MACROD2: variants seen among roughly 807,000 people sequenced by gnomAD.
The protein encoded by MACROD2 is ADP-ribose glycohydrolase MACROD2.
MACROD2 carries 36 observed loss-of-function variants against 70.4 expected under a neutral mutation model. The ratio of observed to expected loss-of-function variants is 0.51; its 90% confidence interval spans 0.39 to 0.68. The LOEUF (loss-of-function observed/expected upper bound fraction) is 0.68. MACROD2 is among the 30% of genes least tolerant of loss of function. The probability of loss-of-function intolerance (pLI) is 0.00; values close to 1 mark genes in which losing one functional copy is unlikely to be tolerated. For synonymous variants in MACROD2, 172 were observed against 178.8 expected (o/e 0.96, Z 0.30); for missense variants, 496 against 538.4 (o/e 0.92, Z 0.78).
chr20:14,459,084 G>T (rs976907491), intron 3 of MACROD2, among the ~76,000 whole-genome samples: 11 of 152,070 alleles, frequency 7.2e-5, no homozygotes, highest in African/African-American at 2.7e-4. Flanking sequence ...CCAAAAGAAG[G>T]TGTGAGATCT....
chr20:14,564,759 C>G (rs1979664239), intron 4 of MACROD2, among the ~76,000 whole-genome samples: 1 of 151,832 alleles, frequency 6.6e-6, no homozygotes, highest in African/African-American at 2.4e-5. Flanking sequence ...ATTGTGCAAC[C>G]TCTTTAGAAA....
At chr20:14,328,583 A>G (rs947152232) in intron 3 of MACROD2, among the ~76,000 whole-genome samples, 5 of 152,076 alleles carry the variant, frequency 3.3e-5, no homozygotes, top group African/African-American at 9.7e-5. Flanking sequence ...TTCCTACCTT[A>G]TTGAACGATG....
intron 4 of MACROD2, among the ~76,000 whole-genome samples, chr20:14,532,384 ATT>A (rs554244215): frequency 1.8e-4 from 25 of 141,480 alleles, no homozygotes; most frequent in Admixed American, 2.8e-4. Context: ...TGCCCGGCTA[ATT>A]TTTTTTTTTT....
intron 8 of MACROD2, among the ~76,000 whole-genome samples, chr20:15,607,714 A>G (rs902015345): frequency 1.3e-5 from 2 of 152,058 alleles, no homozygotes; most frequent in Middle Eastern, 3.4e-3. Context: ...TTGTATTTTT[A>G]TTAGAGACGG....
rs988816287 is a variant in MACROD2 at position 14,969,389 on chromosome 20, CACACACACACACAT to C, written c.419-260549_419-260536del. On this transcript the variant is annotated intron_variant, in intron 5 of 17. Coordinates refer to ENST00000684519, the MANE Select transcript of MACROD2 (RefSeq NM_001351661.2). ...ACACACACACACACACACACACACA[CACACACACACACAT>C]ATATAAGCATTTATTCAGCACAGAT... is the stretch of plus-strand genomic sequence containing the variant. 1.8e-4 allele frequency among the ~76,000 whole-genome samples: 26 copies of C among 146,992 alleles called. No homozygotes were observed. In the East Asian group the frequency reaches 3.4e-3, roughly 19 times the overall value.
intron 3 of MACROD2, among the ~76,000 whole-genome samples, chr20:14,350,876 C>T (rs2083117056): frequency 6.6e-6 from 1 of 152,010 alleles, no homozygotes. Context: ...TTCCTCATAG[C>T]TTGAGGTCTC....
chr20:14,648,628 A>G (rs1472495772), intron 4 of MACROD2, among the ~76,000 whole-genome samples: 2 of 151,788 alleles, frequency 1.3e-5, no homozygotes, highest in East Asian at 3.8e-4. Flanking sequence ...AAACATATAT[A>G]TATATATATC....
intron 3 of MACROD2, among the ~76,000 whole-genome samples, chr20:14,314,542 C>T (rs906518311): frequency 1.3e-5 from 2 of 152,110 alleles, no homozygotes; most frequent in African/African-American, 4.8e-5. Flanking sequence ...GGGTGGATCA[C>T]CTGAGGTTGG....
rs192325423 is a variant in MACROD2, at chr20:14,886,076, A to C, written c.418+201117A>C. On this transcript the variant is annotated intron_variant, in intron 5 of 17. Transcript: ENST00000684519. ...TTAGATAATGATAACAGCTGAGCAC[A>C]AATAAATGTGAAGCAGGATGGGCAA... Among the ~76,000 whole-genome samples the C allele has an allele frequency of 5.0e-4, 76 of 152,346 alleles. 1 individual carries two copies. Among genetic ancestry groups the C allele is most frequent in the Middle Eastern group, 3.4e-3 (1 of 294 alleles).
chr20:15,541,955 G>A lies in MACROD2; in HGVS notation c.645+42108G>A, dbSNP rs369918185. ...ATGCCACCAAATAAGTCTAACTTGGGTGCCAAGTCTGTTCTTCCAGTGGTA... is the reference window on the plus strand; with the variant it reads ...ATGCCACCAAATAAGTCTAACTTGGATGCCAAGTCTGTTCTTCCAGTGGTA... On this transcript the variant is annotated intron_variant, in intron 8 of 17. Transcript: ENST00000684519. Among the ~76,000 whole-genome samples the A allele has an allele frequency of 1.5e-4, 23 of 152,336 alleles. No individual in the cohort carries two copies. The East Asian group carries it at 3.3e-3, about 22-fold the overall frequency.
intron 3 of MACROD2, among the ~76,000 whole-genome samples, chr20:14,416,597 T>C (rs1411773641): frequency 6.6e-6 from 1 of 152,226 alleles, no homozygotes; most frequent in Non-Finnish European, 1.5e-5. Flanking sequence ...TTGAGTCGTA[T>C]TGAAGCCATA....
intron 7 of MACROD2, among the ~76,000 whole-genome samples, chr20:15,486,111 A>G (rs1166771634): frequency 6.6e-6 from 1 of 152,126 alleles, no homozygotes; most frequent in African/African-American, 2.4e-5. Context: ...TAAACAAGAC[A>G]GTTTTGTTGA....
At chr20:15,350,694 G>A (rs2078218296) in intron 6 of MACROD2, among the ~76,000 whole-genome samples, 1 of 152,058 alleles carries the variant, frequency 6.6e-6, no homozygotes, top group South Asian at 2.1e-4. Flanking sequence ...GGTACCTAAG[G>A]ACAACATGTT....
chr20:14,426,503 G>A lies in MACROD2; in HGVS notation c.272-66976G>A, dbSNP rs750838065. On this transcript the variant is annotated intron_variant, in intron 3 of 17. Coordinates refer to ENST00000684519, the MANE Select transcript of MACROD2 (RefSeq NM_001351661.2). ...GCTTAATTTTTAATCTTTCATATTA[G>A]TGACTTTCCTCAGATGTCTTGTAGT... is the stretch of plus-strand genomic sequence containing the variant. Among the ~76,000 whole-genome samples, 117 of 151,944 alleles carry A rather than the reference G, an allele frequency of 7.7e-4. 4 individuals are homozygous for A. The highest frequency in any genetic ancestry group is 5.4e-4 in the Non-Finnish European group (37 of 67,980).
chr20:14,125,780 A>T (rs1037054967), intron 3 of MACROD2, among the ~76,000 whole-genome samples: 3 of 152,190 alleles, frequency 2.0e-5, no homozygotes, highest in Non-Finnish European at 4.4e-5. Context: ...AAAAAAAAAT[A>T]GCAGCAAAAT....
chr20:15,363,631 G>A (rs925193713), intron 6 of MACROD2, among the ~76,000 whole-genome samples: 23 of 152,034 alleles, frequency 1.5e-4, no homozygotes, highest in African/African-American at 4.6e-4. Context: ...GCAGGCAAAC[G>A]TTGCCTCCCT....
chr20:14,011,591 C>T (rs1045650359), intron 2 of MACROD2, among the ~76,000 whole-genome samples: 53 of 150,796 alleles, frequency 3.5e-4, no homozygotes, highest in African/African-American at 1.2e-3. Flanking sequence ...TGCAGTGGCC[C>T]GATCTCGGCT....
intron 5 of MACROD2, among the ~76,000 whole-genome samples, chr20:15,115,318 C>A (rs1252138954): frequency 6.6e-6 from 1 of 152,098 alleles, no homozygotes; most frequent in Non-Finnish European, 1.5e-5. Context: ...CTGTCTCCCT[C>A]CCTTGGGTTC....
chr20:15,959,903 T>C (rs1424082661), intron 12 of MACROD2, among the ~76,000 whole-genome samples: 4 of 152,156 alleles, frequency 2.6e-5, no homozygotes, highest in Non-Finnish European at 4.4e-5. Context: ...CACATTAAAG[T>C]TAAATAATGA....
Sources: gnomAD v4.1 joint callset for allele counts (sites outside exome capture counted in the v4.1 genomes callset) on GRCh38, gnomAD v4.1.1 for gene constraint, MANE v1.5 for transcripts, NCBI Gene and HGNC (gene_info 2026-07-23, HGNC 2026-07-21) for gene names.